The following PTPRN2 variants were observed in gnomAD, a reference collection of about 807,000 sequenced individuals.
PTPRN2 encodes the protein protein tyrosine phosphatase receptor type N2.
A neutral mutation model predicts 118.8 loss-of-function variants in PTPRN2; 74 were observed. The observed-to-expected ratio is 0.62, with a 90% CI of 0.52 to 0.76. PTPRN2 has a LOEUF of 0.76. Among genes scored for constraint, PTPRN2 ranks in the 30% least tolerant of loss-of-function variants. The pLI is 0.00. For synonymous variants in PTPRN2, 641 were observed against 608.0 expected, an observed-to-expected ratio of 1.05 and a Z score of -0.80; for missense variants, 1,481 against 1,394.4, an observed-to-expected ratio of 1.06 and a Z score of -0.99.
At chr7:158,416,711 CAT>C (rs1334105634) in intron 2 of PTPRN2, among the ~76,000 whole-genome samples, 5 of 152,208 alleles carry the variant, frequency 3.3e-5, no homozygotes, top group African/African-American at 1.2e-4. Flanking sequence ...TGCTGGGAAA[CAT>C]AGACTGGCTA....
intron 12 of PTPRN2, among the ~76,000 whole-genome samples, chr7:157,847,824 T>A (rs1196469895): frequency 1.3e-5 from 2 of 150,782 alleles, no homozygotes; most frequent in Non-Finnish European, 3.0e-5. Context: ...TACAGAGCCC[T>A]CTCTCACTCC....
chr7:157,881,219 C>CAGG lies in PTPRN2; in HGVS notation c.1788+17453_1788+17454insCCT, dbSNP rs1563203043. On this transcript the variant is annotated intron_variant, in intron 12 of 22. Transcript: ENST00000389418. The surrounding 1 kb of genome is among the most constrained non-coding windows in gnomAD (Gnocchi z 4.7). ...GGGTATGTGGAGATGGGGGTGTTTACAGTAGTCATTATGGTAAAATGAGGT... is the reference window on the plus strand; with the variant it reads ...GGGTATGTGGAGATGGGGGTGTTTACAGGAGTAGTCATTATGGTAAAATGAGGT... Among the ~76,000 whole-genome samples, 35 of 147,038 alleles carry CAGG rather than the reference C, an allele frequency of 2.4e-4. No individual in the cohort carries two copies. Among genetic ancestry groups the CAGG allele is most frequent in the African/African-American group, 8.5e-4 (33 of 38,608 alleles).
rs574710488 is a variant in PTPRN2, at chr7:158,228,161, A to C, written c.278-22888T>G. On this transcript the variant is annotated intron_variant, in intron 3 of 22. Coordinates refer to ENST00000389418, the MANE Select transcript of PTPRN2 (RefSeq NM_002847.5). Reference sequence around the variant, plus strand: ...CAGACAATAAATCAGTCTTGTTGTTATATGTTCACACTTCACTTTTACATT... The same window carrying C: ...CAGACAATAAATCAGTCTTGTTGTTCTATGTTCACACTTCACTTTTACATT... Among the ~76,000 whole-genome samples the C allele has an allele frequency of 1.2e-3, 180 of 152,292 alleles. 1 individual carries two copies. The highest frequency in any genetic ancestry group is 4.3e-3 in the African/African-American group (179 of 41,574).
chr7:157,973,605 TC>T (rs1802505973), intron 11 of PTPRN2, among the ~76,000 whole-genome samples: 1 of 152,120 alleles, frequency 6.6e-6, no homozygotes, highest in Non-Finnish European at 1.5e-5. Flanking sequence ...GTAAAGAATA[TC>T]CTTCTGCACA....
At chr7:158,566,259 C>A (rs1321604848) in intron 1 of PTPRN2, among the ~76,000 whole-genome samples, 4 of 151,854 alleles carry the variant, frequency 2.6e-5, no homozygotes, top group Non-Finnish European at 4.4e-5. Flanking sequence ...GAGACTGAGG[C>A]AGGAGAATTG....
At chr7:157,878,041 G>A (rs1355691722) in intron 12 of PTPRN2, among the ~76,000 whole-genome samples, 2 of 152,230 alleles carry the variant, frequency 1.3e-5, no homozygotes, top group East Asian at 1.9e-4. Flanking sequence ...GCGGTGTTCC[G>A]GCTCTCTGAC....
chr7:158,142,209 C>T (rs761870360), intron 6 of PTPRN2, among the ~76,000 whole-genome samples: 3 of 152,354 alleles, frequency 2.0e-5, no homozygotes, highest in East Asian at 1.9e-4. Flanking sequence ...CCGGAGCCCA[C>T]GCCCGCCTCC....
chr7:158,208,546 T>C (rs949740923), intron 3 of PTPRN2, among the ~76,000 whole-genome samples: 10 of 152,232 alleles, frequency 6.6e-5, no homozygotes, highest in Non-Finnish European at 8.8e-5. Context: ...TGAAATTGTA[T>C]ATCCAACAAA....
chr7:157,843,909 C>T (rs762888886), intron 12 of PTPRN2, among the ~76,000 whole-genome samples: 2 of 152,216 alleles, frequency 1.3e-5, no homozygotes, highest in African/African-American at 2.4e-5. Context: ...CAGGGCTCCA[C>T]ATTGGGGTCC....
intron 1 of PTPRN2, among the ~76,000 whole-genome samples, chr7:158,522,917 G>A (rs529668842): frequency 6.6e-6 from 1 of 152,334 alleles, no homozygotes; most frequent in Admixed American, 6.5e-5. Context: ...AGAAGGGAGA[G>A]GGCAGCAAAG....
chr7:158,035,620 G>A (rs922561790), intron 11 of PTPRN2, among the ~76,000 whole-genome samples: 6 of 152,166 alleles, frequency 3.9e-5, no homozygotes, highest in African/African-American at 1.2e-4. Flanking sequence ...ACAGGCAGGC[G>A]GGCAGAAGAG....
At chr7:157,860,010 G>C (rs1479639883) in intron 12 of PTPRN2, among the ~76,000 whole-genome samples, 2 of 151,728 alleles carry the variant, frequency 1.3e-5, no homozygotes, top group African/African-American at 4.8e-5. Flanking sequence ...CCTGCAGGGA[G>C]AGCCCCAGCC....
intron 3 of PTPRN2, among the ~76,000 whole-genome samples, chr7:158,314,142 A>G (rs1045992861): frequency 2.0e-5 from 3 of 152,156 alleles, no homozygotes; most frequent in Non-Finnish European, 4.4e-5. Context: ...TTGCCAGCAC[A>G]TGGTGATAGC....
At chr7:157,841,702 C>T (rs1808434467) in intron 12 of PTPRN2, among the ~76,000 whole-genome samples, 1 of 152,174 alleles carries the variant, frequency 6.6e-6, no homozygotes, top group Non-Finnish European at 1.5e-5. Flanking sequence ...ATAAGGAAGC[C>T]TTCCATAGAA....
At chr7:157,692,837 C>A (rs992042851) in intron 12 of PTPRN2, among the ~76,000 whole-genome samples, 1 of 152,104 alleles carries the variant, frequency 6.6e-6, no homozygotes, top group Non-Finnish European at 1.5e-5. Context: ...CGCAAAAACC[C>A]CCGCACCCTG....
chr7:158,038,120 T>C (rs1012996771), intron 11 of PTPRN2, among the ~76,000 whole-genome samples: 1 of 152,202 alleles, frequency 6.6e-6, no homozygotes, highest in African/African-American at 2.4e-5. Context: ...GTATATGTTA[T>C]ACTCCAGTAG....
At chr7:158,291,154 C>T (rs576192059) in intron 3 of PTPRN2, among the ~76,000 whole-genome samples, 1 of 152,320 alleles carries the variant, frequency 6.6e-6, no homozygotes, top group Admixed American at 6.5e-5. Flanking sequence ...GATGTAACAG[C>T]TTCCATTTGT....
At position 157,540,092 on chromosome 7, in the gene PTPRN2, A is replaced by T. The variant is rs960198821; in HGVS notation, c.*622T>A. On this transcript the variant is annotated 3_prime_UTR_variant, in exon 23 of 23. Coordinates refer to ENST00000389418, the MANE Select transcript of PTPRN2 (RefSeq NM_002847.5). ...GTGTCTGCCCCCGGGGAGCCCCTGA[A>T]TCACTCTGCTTGGGCTGACAGGTGT... 6.6e-6 allele frequency: 1 copy of T among 152,278 alleles called. No individual in the cohort carries two copies. The highest frequency in any genetic ancestry group is 1.5e-5 in the Non-Finnish European group (1 of 68,100). 9.4% of individuals were successfully genotyped at this position (152,278 alleles called of 1,614,324 possible).
chr7:158,197,817 G>A (rs1191240947), intron 4 of PTPRN2, among the ~76,000 whole-genome samples: 1 of 152,140 alleles, frequency 6.6e-6, no homozygotes, highest in Non-Finnish European at 1.5e-5. Flanking sequence ...GAACAGCATG[G>A]AGACAGCCAC....
Sources: allele counts gnomAD v4.1 joint callset (sites outside exome capture counted in the v4.1 genomes callset), GRCh38; gene constraint gnomAD v4.1.1; non-coding constraint Gnocchi (gnomAD v3.1); transcripts MANE v1.5; gene names NCBI Gene and HGNC (gene_info 2026-07-23, HGNC 2026-07-21).